The following DLG2 variants were observed in gnomAD, a reference collection of about 807,000 sequenced individuals.
The protein encoded by DLG2 is discs large MAGUK scaffold protein 2, also known as disks large homolog 2.
In DLG2, 45 loss-of-function variants were observed where a neutral mutation model predicts 132.5. The observed-to-expected ratio is 0.34, with a 90% CI of 0.27 to 0.44. DLG2 has a LOEUF of 0.44. Among genes scored for constraint, DLG2 ranks in the 20% least tolerant of loss-of-function variants. The pLI is 1.00. For missense variants in DLG2, 1,045 were observed against 1,196.9 expected (o/e 0.87, Z 1.87); for synonymous variants, 424 against 419.6 (o/e 1.01, Z -0.13).
chr11:84,154,055 T>G (rs539733246), intron 9 of DLG2, among the ~76,000 whole-genome samples: 1 of 152,328 alleles, frequency 6.6e-6, no homozygotes, highest in African/African-American at 2.4e-5. Flanking sequence ...TGGAGTGCAG[T>G]GGTGTGATGT....
chr11:84,724,042 T>C (rs1321332835), intron 6 of DLG2, among the ~76,000 whole-genome samples: 1 of 152,316 alleles, frequency 6.6e-6, no homozygotes, highest in East Asian at 1.9e-4. Flanking sequence ...TTTTCTTTGC[T>C]GATCCTTTTC....
intron 3 of DLG2, among the ~76,000 whole-genome samples, chr11:85,503,065 G>C (rs1401480747): frequency 6.6e-6 from 1 of 151,954 alleles, no homozygotes; most frequent in Non-Finnish European, 1.5e-5. Context: ...GAAGAAGAAA[G>C]AACCAAAAGA....
chr11:84,552,349 A>T (rs1056206976), intron 6 of DLG2, among the ~76,000 whole-genome samples: 1 of 152,096 alleles, frequency 6.6e-6, no homozygotes, highest in Admixed American at 6.6e-5. Context: ...CACATTCCCC[A>T]AAATCTAGAA....
chr11:83,979,315 C>T (rs967503374), intron 12 of DLG2, among the ~76,000 whole-genome samples: 1 of 152,108 alleles, frequency 6.6e-6, no homozygotes, highest in Non-Finnish European at 1.5e-5. Context: ...TGATCCTCCC[C>T]AGACACTTCT....
At chr11:83,934,912 T>C (rs1342622206) in intron 14 of DLG2, among the ~76,000 whole-genome samples, 3 of 152,224 alleles carry the variant, frequency 2.0e-5, no homozygotes, top group Non-Finnish European at 4.4e-5. Context: ...TTTTATTCTC[T>C]TTTCCCGAGC....
chr11:83,473,303 G>A (rs2092286946), intron 22 of DLG2, among the ~76,000 whole-genome samples: 2 of 152,060 alleles, frequency 1.3e-5, no homozygotes, highest in Non-Finnish European at 2.9e-5. Context: ...AAAATGCTGT[G>A]GGTCAATTAA....
chr11:83,554,941 A>G (rs1472419516), intron 19 of DLG2, among the ~76,000 whole-genome samples: 1 of 152,258 alleles, frequency 6.6e-6, no homozygotes, highest in Non-Finnish European at 1.5e-5. Context: ...TAACAGAAAC[A>G]AGGCACTTTT....
At chr11:83,901,065 C>T (rs2073280731) in intron 15 of DLG2, among the ~76,000 whole-genome samples, 3 of 152,186 alleles carry the variant, frequency 2.0e-5, no homozygotes, top group Admixed American at 1.3e-4. Context: ...GGATTTCAGA[C>T]TTGCATAGAG....
At chr11:83,959,267 C>CTT (rs1335150206) in intron 14 of DLG2, among the ~76,000 whole-genome samples, 1 of 151,942 alleles carries the variant, frequency 6.6e-6, no homozygotes, top group African/African-American at 2.4e-5. Context: ...ATCAAAATTG[C>CTT]TTTAAAATTC....
intron 11 of DLG2, among the ~76,000 whole-genome samples, chr11:84,015,565 G>C (rs1170669312): frequency 6.6e-6 from 1 of 152,070 alleles, no homozygotes; most frequent in Non-Finnish European, 1.5e-5. Flanking sequence ...GCCCCAGTGT[G>C]TCTTGTTTCC....
In DLG2 at chr11:83,833,710, A is replaced by G. The variant is rs774131342; in HGVS notation, c.1626T>C (p.Gly542=). The stretch of plus-strand genomic sequence containing the variant: ...CAAAAATACCTTCTCCATCTTCCCC[A>G]CCGACAATGTTGAAGCCCAGGCCAG... ...GSTGLGFNIV[G]GEDGEGIFVS... is the part of the protein sequence containing the mutation. Residue 542 remains glycine (G), a synonymous_variant, in exon 17 of 28, where the codon GGT becomes GGC. Transcript: ENST00000376104. The G allele has an allele frequency of 6.2e-7, 1 of 1,614,060 alleles. No individual in the cohort carries two copies. Among genetic ancestry groups the G allele is most frequent in the South Asian group, 1.1e-5 (1 of 91,068 alleles).
intron 7 of DLG2, among the ~76,000 whole-genome samples, chr11:84,313,665 G>GAAAGA (rs1384246128): frequency 6.6e-6 from 1 of 151,026 alleles, no homozygotes; most frequent in African/African-American, 2.4e-5. Flanking sequence ...AAGAAAGAAA[G>GAAAGA]AAAGAAAGAA....
intron 6 of DLG2, among the ~76,000 whole-genome samples, chr11:84,664,772 T>C (rs1173053667): frequency 6.6e-6 from 1 of 152,146 alleles, no homozygotes; most frequent in Non-Finnish European, 1.5e-5. Flanking sequence ...CTCCTTTCCT[T>C]ACCAGCACCC....
intron 6 of DLG2, among the ~76,000 whole-genome samples, chr11:84,808,846 C>A (rs543867481): frequency 6.6e-6 from 1 of 151,916 alleles, no homozygotes; most frequent in African/African-American, 2.4e-5. Context: ...AATCTTTAGG[C>A]TCAGATGATT....
Position 85,171,319 on chromosome 11 carries a change from C to G in DLG2, c.187-16668G>C, listed in dbSNP as rs151202438. ...GGAGCAGCACAGAGCCAGGGGAACC[C>G]CCACCTCCAGCCAAGGGAGGTGGTG... is the stretch of plus-strand genomic sequence containing the variant. On this transcript the variant is annotated intron_variant, in intron 4 of 27. Transcript: ENST00000376104. Among the ~76,000 whole-genome samples, 530 of 152,192 alleles carry G rather than the reference C, an allele frequency of 3.5e-3. 3 individuals carry two copies. The highest frequency in any genetic ancestry group is 0.013 in the African/African-American group (520 of 41,518).
chr11:84,109,008 A>G (rs2154190409), intron 9 of DLG2, among the ~76,000 whole-genome samples: 3 of 152,298 alleles, frequency 2.0e-5, no homozygotes, highest in Middle Eastern at 6.8e-3. Flanking sequence ...GGTGAGGATG[A>G]GGAAAGCAGT....
chr11:84,164,214 A>G (rs1454183492), intron 8 of DLG2, among the ~76,000 whole-genome samples: 1 of 152,216 alleles, frequency 6.6e-6, no homozygotes, highest in East Asian at 1.9e-4. Flanking sequence ...ACAGCCAGGC[A>G]CCTTAGATTT....
At chr11:85,388,352 A>G (rs1053728242) in intron 3 of DLG2, among the ~76,000 whole-genome samples, 28 of 152,136 alleles carry the variant, frequency 1.8e-4, no homozygotes, top group African/African-American at 6.5e-4. Flanking sequence ...CCCACCTGAT[A>G]TCTTTCTCTA....
intron 4 of DLG2, among the ~76,000 whole-genome samples, chr11:85,213,899 T>C (rs193062059): frequency 2.0e-5 from 3 of 152,186 alleles, no homozygotes; most frequent in East Asian, 3.9e-4. Context: ...CAGAAGGTGA[T>C]AGTACAATGG....
Sources: gnomAD v4.1 joint callset for allele counts (sites outside exome capture counted in the v4.1 genomes callset) on GRCh38, gnomAD v4.1.1 for gene constraint, MANE v1.5 for transcripts, NCBI Gene and HGNC (gene_info 2026-07-23, HGNC 2026-07-21) for gene names.